The following SNAP91 variants were observed in gnomAD, a reference collection of about 807,000 sequenced individuals.
SNAP91 encodes the protein synaptosome associated protein 91, also known as clathrin coat assembly protein AP180.
Under a neutral mutation model 100.3 loss-of-function variants are expected in SNAP91, and 27 were observed. The ratio of observed to expected loss-of-function variants is 0.27; its 90% CI spans 0.20 to 0.37. SNAP91 has a LOEUF of 0.37. Among genes scored for constraint, SNAP91 ranks in the 10% least tolerant of loss-of-function variants. The probability of loss-of-function intolerance (pLI) is 1.00; values close to 1 mark genes in which losing one functional copy is unlikely to be tolerated. For missense variants in SNAP91, 986 were observed against 1,123.7 expected (o/e 0.88, Z 1.75); for synonymous variants, 404 against 398.6 (o/e 1.01, Z -0.16).
rs2098557628 is a variant in SNAP91 at position 83,662,365 on chromosome 6, CCA to C, written c.329_330del (p.Leu110Ter). 1 of 1,434,672 alleles carries C rather than the reference CCA, an allele frequency of 7.0e-7. No homozygotes were observed. The allele number at this position is 1,434,672 out of a possible 1,614,324, so 88.9% of individuals were successfully genotyped here. A position where few individuals can be genotyped will look rare whatever the true frequency, so the allele number is the denominator to read the frequency against. On this transcript the variant is annotated frameshift_variant, in exon 4 of 30. Transcript: ENST00000369694. LOFTEE classifies it high-confidence loss of function. The part of the protein sequence containing the change: ...RNTLFNLSNF[L>X]DKSGSHGYDM... ...TTCTCACCATGGGATCCACTTTTGT[CCA>C]AAAAATTGCTGAGATTGAATAGTGT...
intron 2 of SNAP91, chr6:83,678,978 A>G: frequency 1.2e-6 from 1 of 826,172 alleles, no homozygotes; most frequent in Admixed American, 4.8e-5. Flanking sequence ...GGCCTTCTAT[A>G]TCCACAAGGT....
chr6:83,580,162 C>T (rs1825962899), intron 24 of SNAP91, among the ~76,000 whole-genome samples: 1 of 152,150 alleles, frequency 6.6e-6, no homozygotes, highest in African/African-American at 2.4e-5. Flanking sequence ...GCTTTTTACA[C>T]ATAATACACT....
At chr6:83,665,648 G>A in intron 2 of SNAP91, 67 bp from the exon 3 acceptor site, 2 of 1,439,542 alleles carry the variant, frequency 1.4e-6, no homozygotes, top group Admixed American at 1.9e-5. Flanking sequence ...TTCAAACTTG[G>A]AACATATAAG....
chr6:83,587,035 A>G (rs1465282950), intron 22 of SNAP91, among the ~76,000 whole-genome samples: 33 of 152,188 alleles, frequency 2.2e-4, no homozygotes, highest in Admixed American at 2.0e-3. Flanking sequence ...GAATTTGAAT[A>G]AAGAAGAATA....
chr6:83,618,312 A>T (rs1431067027), intron 9 of SNAP91, among the ~76,000 whole-genome samples: 1 of 151,854 alleles, frequency 6.6e-6, no homozygotes, highest in Non-Finnish European at 1.5e-5. Flanking sequence ...GATCAAAATG[A>T]TGAAGGTAAG....
chr6:83,641,734 CTTTT>C, intron 7 of SNAP91, among the ~76,000 whole-genome samples: 1 of 152,116 alleles, frequency 6.6e-6, no homozygotes, highest in Admixed American at 6.5e-5. Context: ...CATGATGTGG[CTTTT>C]ATTTATAAAA....
intron 7 of SNAP91, among the ~76,000 whole-genome samples, chr6:83,644,461 T>A (rs1379509827): frequency 6.6e-6 from 1 of 152,158 alleles, no homozygotes; most frequent in African/African-American, 2.4e-5. Context: ...GGATTGGTCA[T>A]CCAAAAATGA....
At chr6:83,675,251 T>G (rs2098844632) in intron 2 of SNAP91, among the ~76,000 whole-genome samples, 2 of 152,352 alleles carry the variant, frequency 1.3e-5, no homozygotes, top group Non-Finnish European at 2.9e-5. Context: ...TAACAACAGA[T>G]ATCCTTCCTC....
chr6:83,631,713 G>A (rs990927324), intron 8 of SNAP91, among the ~76,000 whole-genome samples: 1 of 151,930 alleles, frequency 6.6e-6, no homozygotes, highest in Non-Finnish European at 1.5e-5. Flanking sequence ...TTTACCTTAA[G>A]TTTGTGTGAG....
At chr6:83,614,114 A>G (rs2096328182) in intron 11 of SNAP91, among the ~76,000 whole-genome samples, 1 of 152,184 alleles carries the variant, frequency 6.6e-6, no homozygotes, top group Non-Finnish European at 1.5e-5. Context: ...TAATCCCTAC[A>G]TAATTTTGAG....
intron 24 of SNAP91, among the ~76,000 whole-genome samples, chr6:83,576,756 A>T (rs929987133): frequency 6.6e-6 from 1 of 152,202 alleles, no homozygotes; most frequent in Admixed American, 6.5e-5. Flanking sequence ...TGTGAGTACA[A>T]CGATGTGCTG....
Position 83,661,518 on chromosome 6 carries a change from C to G in SNAP91, c.436G>C (p.Ala146Pro), listed in dbSNP as rs2098543270. The change falls in exon 5 of 30, where the codon GCC (alanine) becomes CCC (proline). Residue 146 changes from alanine to proline, a missense_variant. This residue lies in a region of SNAP91 where 330 missense variants were observed against 447.5 expected (regional missense o/e 0.74). Coordinates refer to ENST00000369694, the MANE Select transcript of SNAP91 (RefSeq NM_001242792.2). The part of the protein sequence containing the change: ...FSYRQMAFDF[A>P]RVKKGADGVM... ...AAAACATACCCTTTCTTCACCCTGG[C>G]AAAATCAAAGGCCATCTGTCTGTAA... 6.2e-7 allele frequency: 1 copy of G among 1,605,900 alleles called. No homozygotes were observed. Among genetic ancestry groups the G allele is most frequent in the South Asian group, 1.1e-5 (1 of 89,916 alleles).
intron 20 of SNAP91, 145 bp from the exon 21 acceptor site, chr6:83,592,683 C>A: frequency 1.4e-6 from 1 of 724,378 alleles, no homozygotes; most frequent in Non-Finnish European, 2.3e-6. Context: ...GAAAAGCAAA[C>A]GGGTTTTAAA....
At chr6:83,564,991 T>C (rs1794577163) in intron 26 of SNAP91, among the ~76,000 whole-genome samples, 1 of 150,580 alleles carries the variant, frequency 6.6e-6, no homozygotes, top group Non-Finnish European at 1.5e-5. Flanking sequence ...GAGATAAAAA[T>C]ATTGGCAAAT....
intron 10 of SNAP91, among the ~76,000 whole-genome samples, chr6:83,615,813 AG>A (rs2096454302): frequency 6.6e-6 from 1 of 152,246 alleles, no homozygotes; most frequent in Admixed American, 6.5e-5. Context: ...TCAAGACACA[AG>A]CCTAGATTCT....
At chr6:83,584,987 T>G (rs773539754) in intron 22 of SNAP91, among the ~76,000 whole-genome samples, 1 of 152,120 alleles carries the variant, frequency 6.6e-6, no homozygotes, top group Non-Finnish European at 1.5e-5. Flanking sequence ...GTAAGTGCCC[T>G]CACAAGCCTA....
At chr6:83,588,483 T>C (rs1213898614) in intron 22 of SNAP91, among the ~76,000 whole-genome samples, 1 of 152,308 alleles carries the variant, frequency 6.6e-6, no homozygotes, top group East Asian at 1.9e-4. Flanking sequence ...ACAACACAAT[T>C]GAATAATTTT....
intron 24 of SNAP91, among the ~76,000 whole-genome samples, chr6:83,579,474 T>C (rs952938717): frequency 2.0e-5 from 3 of 152,212 alleles, no homozygotes; most frequent in African/African-American, 7.2e-5. Context: ...ACAAAATGTA[T>C]GTCCACAGGC....
rs1485381947 is a variant in SNAP91 at position 83,593,513 on chromosome 6, G to A, written c.1661C>T (p.Ala554Val). 1.3e-6 allele frequency: 2 copies of A among 1,552,368 alleles called. No homozygotes were observed. The highest frequency in any genetic ancestry group is 3.3e-4 in the Middle Eastern group (2 of 5,994). ...TTTTTTSAAT[A>V]TTAPPALDIF... ...ATCTAGAGCAGGAGGAGCAGTGGTGGCGGTGGCAGCGGAGGTGGTGGTAGT... is the reference window on the plus strand; with the variant it reads ...ATCTAGAGCAGGAGGAGCAGTGGTGACGGTGGCAGCGGAGGTGGTGGTAGT... Residue 554 changes from alanine (A) to valine (V), a missense_variant, in exon 18 of 30, where the codon GCC becomes GTC. This residue lies in a region of SNAP91 where 575 missense variants were observed against 579.9 expected (regional missense o/e 0.99). Transcript: ENST00000369694.
Sources: allele counts gnomAD v4.1 joint callset (sites outside exome capture counted in the v4.1 genomes callset), GRCh38; gene constraint gnomAD v4.1.1; regional missense constraint gnomAD v4.1.1; transcripts MANE v1.5; gene names NCBI Gene and HGNC (gene_info 2026-07-23, HGNC 2026-07-21).